The following LRRC25 variants were observed in gnomAD, a reference collection of about 807,000 sequenced individuals.
LRRC25 encodes leucine rich repeat containing 25.
A neutral mutation model predicts 18.8 loss-of-function variants in LRRC25; 5 were observed. The ratio of observed to expected loss-of-function variants is 0.27; its 90% confidence interval spans 0.14 to 0.56. The LOEUF (loss-of-function observed/expected upper bound fraction) is 0.56, where lower values mean the gene tolerates loss of function less well. LRRC25 is among the 20% of genes least tolerant of loss of function. LRRC25 has a pLI of 0.93. For missense variants in LRRC25, 341 were observed against 389.8 expected (o/e 0.87, Z 1.05); for synonymous variants, 161 against 176.8 (o/e 0.91, Z 0.71).
rs150554036 is a variant in LRRC25, at chr19:18,396,930, G to C, written c.34C>G (p.Pro12Ala). The C allele has an allele frequency of 1.2e-6, 2 of 1,610,940 alleles. No individual in the cohort carries two copies. Among genetic ancestry groups the C allele is most frequent in the South Asian group, 2.2e-5 (2 of 91,050 alleles). The change falls in exon 1 of 2, where the codon CCG (proline) becomes GCG (alanine). Residue 12 changes from proline (P) to alanine (A), a missense_variant. By Grantham distance (27) the Pro-to-Ala change is conservative. Transcript: ENST00000339007. ...CTGTCTGACTCCCGCAGCAGCAGCG[G>C]CAACAGCAGCGTCCATGCCAGGGTG... ...GGTLAWTLLL[P>A]LLLRESDSLE...
chr19:18,394,723 C>T (rs1971946087), intron 1 of LRRC25, among the ~76,000 whole-genome samples: 1 of 152,168 alleles, frequency 6.6e-6, no homozygotes, highest in South Asian at 2.1e-4. Flanking sequence ...GGATTATAGG[C>T]ATGAGCCACC....
In LRRC25 at chr19:18,396,287, G is replaced by A. The variant is rs1971967071; in HGVS notation, c.677C>T (p.Ala226Val). 8 of 1,612,766 alleles carry A rather than the reference G, an allele frequency of 5.0e-6. No homozygotes were observed. The highest frequency in any genetic ancestry group is 2.2e-5 in the East Asian group (1 of 44,890). ...TGGCACGGCCACTTGGGGCTTGGGG[G>A]CGCTCCGGCTGCCGTACCGTGGCTG... ...GLQPRYGSRS[A>V]PKPQVAVPSC... Residue 226 changes from alanine to valine, a missense_variant, in exon 1 of 2, where the codon GCC becomes GTC. By Grantham distance (64) the Ala-to-Val change is moderately conservative (BLOSUM62 0). Coordinates refer to ENST00000339007, the MANE Select transcript of LRRC25 (RefSeq NM_145256.3).
chr19:18,396,465 C>G lies in LRRC25; in HGVS notation c.499G>C (p.Gly167Arg), dbSNP rs765170437. The G allele has an allele frequency of 4.3e-6, 7 of 1,613,420 alleles. No individual in the cohort carries two copies. The highest frequency in any genetic ancestry group is 1.3e-5 in the African/African-American group (1 of 74,930). ...CAPGLASATI[G>R]AVVVSGCLLL... ...AGGCACCCGCTGACCACCACTGCCC[C>G]GATAGTTGCAGAGGCCAGGCCAGGG... is the stretch of plus-strand genomic sequence containing the variant. Residue 167 changes from glycine to arginine, a missense_variant, in exon 1 of 2, where the codon GGG becomes CGG. Gly to Arg is a moderately radical substitution (Grantham distance 125). Coordinates refer to ENST00000339007, the MANE Select transcript of LRRC25 (RefSeq NM_145256.3).
At chr19:18,392,689 T>G (rs1365842949) in intron 1 of LRRC25, among the ~76,000 whole-genome samples, 1 of 151,970 alleles carries the variant, frequency 6.6e-6, no homozygotes, top group Non-Finnish European at 1.5e-5. Context: ...CCTTTTTCCT[T>G]CCTTAAAAAT....
intron 1 of LRRC25, among the ~76,000 whole-genome samples, chr19:18,394,308 C>CTTTT (rs34809770): frequency 1.6e-5 from 2 of 125,468 alleles, no homozygotes; most frequent in Non-Finnish European, 1.7e-5. Context: ...TTCTTTCTTT[C>CTTTT]TTTTTTTTTT....
chr19:18,394,018 T>A (rs1481076416), intron 1 of LRRC25, among the ~76,000 whole-genome samples: 1 of 152,114 alleles, frequency 6.6e-6, no homozygotes, highest in Non-Finnish European at 1.5e-5. Context: ...ACATCTGCTT[T>A]GCATATTTTC....
rs1270601954 is a variant in LRRC25 at position 18,391,761 on chromosome 19, TC to T, written c.*225del. The T allele has an allele frequency of 2.0e-6, 1 of 501,874 alleles. No individual in the cohort carries two copies. The highest frequency in any genetic ancestry group is 1.9e-5 in the African/African-American group (1 of 51,700). The allele number at this position is 501,874 out of a possible 1,614,324, so 31.1% of individuals were successfully genotyped here. A position where few individuals can be genotyped will look rare whatever the true frequency, so the allele number is the denominator to read the frequency against. On this transcript the variant is annotated 3_prime_UTR_variant, in exon 2 of 2. Transcript: ENST00000339007. ...CAGGATTGGCACAGTGACCGTCCTG[TC>T]CCCTTGTTGGGGGTCTCTCCTCTTC...
At chr19:18,395,909 C>G (rs1971962038) in intron 1 of LRRC25, among the ~76,000 whole-genome samples, 1 of 152,122 alleles carries the variant, frequency 6.6e-6, no homozygotes, top group Non-Finnish European at 1.5e-5. Context: ...TTAGTACAGA[C>G]TGGGTTTCAC....
intron 1 of LRRC25, among the ~76,000 whole-genome samples, chr19:18,394,278 CTTT>C (rs1568332955): frequency 6.6e-6 from 1 of 151,148 alleles, no homozygotes; most frequent in Non-Finnish European, 1.5e-5. Context: ...CCTAGAAAAG[CTTT>C]TCTTTTCTTT....
At position 18,391,818 on chromosome 19, in the gene LRRC25, G is replaced by A. The variant is rs1417655176; in HGVS notation, c.*169C>T. The A allele has an allele frequency of 4.2e-5, 29 of 696,864 alleles. No homozygotes were observed. The highest frequency in any genetic ancestry group is 1.1e-4 in the South Asian group (6 of 52,854). The allele number at this position is 696,864 out of a possible 1,614,324, so 43.2% of individuals were successfully genotyped here. On this transcript the variant is annotated 3_prime_UTR_variant, in exon 2 of 2. Transcript: ENST00000339007. ...CTAGGAGCTGAGGGAGCTGAGGAGCGGCATGAGGGACAGGGAGGGGGCGGC... is the reference window on the plus strand; with the variant it reads ...CTAGGAGCTGAGGGAGCTGAGGAGCAGCATGAGGGACAGGGAGGGGGCGGC...
chr19:18,394,315 T>C (rs1463039615), intron 1 of LRRC25, among the ~76,000 whole-genome samples: 1 of 150,352 alleles, frequency 6.7e-6, no homozygotes, highest in Non-Finnish European at 1.5e-5. Context: ...TTTCTTTTTT[T>C]TTTTTTTTGA....
chr19:18,396,668 C>T lies in LRRC25; in HGVS notation c.296G>A (p.Arg99His), dbSNP rs769630201. The change falls in exon 1 of 2, where the codon CGT (arginine) becomes CAT (histidine). Residue 99 changes from arginine (R) to histidine (H), a missense_variant. Transcript: ENST00000339007. ...VLNVLRNPLSRVDGALAARCD... is the reference protein window; with the variant it reads ...VLNVLRNPLSHVDGALAARCD... The stretch of plus-strand genomic sequence containing the variant: ...GCGGGCGGCCAGCGCCCCATCCACA[C>T]GAGACAAGGGGTTGCGTAGCACGTT... 1.9e-6 allele frequency: 3 copies of T among 1,613,948 alleles called. No homozygotes were observed. Among genetic ancestry groups the T allele is most frequent in the Non-Finnish European group, 2.5e-6 (3 of 1,180,016 alleles).
intron 1 of LRRC25, among the ~76,000 whole-genome samples, chr19:18,395,142 T>C (rs1332004306): frequency 1.3e-5 from 2 of 151,870 alleles, no homozygotes; most frequent in Non-Finnish European, 2.9e-5. Context: ...GAGGCTGAGG[T>C]GGGCGGATCA....
intron 1 of LRRC25, among the ~76,000 whole-genome samples, chr19:18,395,213 T>A (rs970348396): frequency 9.9e-5 from 15 of 151,516 alleles, no homozygotes; most frequent in Admixed American, 6.6e-5. Flanking sequence ...CTACTAAAAA[T>A]ACAAAAAATT....
At position 18,396,653 on chromosome 19, in the gene LRRC25, AG is replaced by A; in HGVS notation, c.310del (p.Leu104TrpfsTer98). ...CAGGTCAAGGTCACAGCGGGCGGCC[AG>A]CGCCCCATCCACACGAGACAAGGGG... The part of the protein sequence containing the change: ...RNPLSRVDGA[L>X]AARCDLDLQA... On this transcript the variant is annotated frameshift_variant, in exon 1 of 2. Transcript: ENST00000339007. LOFTEE classifies it high-confidence loss of function. 6.2e-7 allele frequency: 1 copy of A among 1,614,042 alleles called. No individual in the cohort carries two copies. Among genetic ancestry groups the A allele is most frequent in the Non-Finnish European group, 8.5e-7 (1 of 1,180,016 alleles).
At position 18,396,552 on chromosome 19, in the gene LRRC25, G is replaced by A; in HGVS notation, c.412C>T (p.Leu138Phe). The change falls in exon 1 of 2, where the codon CTC (leucine) becomes TTC (phenylalanine). Residue 138 changes from leucine (L) to phenylalanine (F), a missense_variant. By Grantham distance (22) the Leu-to-Phe change is conservative. Coordinates refer to ENST00000339007, the MANE Select transcript of LRRC25 (RefSeq NM_145256.3). ...TGGGAGCTGGTTGTGTCCCAGCAGAGCAGAGGCTTCTGGCCAGAGCAGTTG... is the reference window on the plus strand; with the variant it reads ...TGGGAGCTGGTTGTGTCCCAGCAGAACAGAGGCTTCTGGCCAGAGCAGTTG... ...RDNCSGQKPLLCWDTTSSQHN... is the reference protein window; with the variant it reads ...RDNCSGQKPLFCWDTTSSQHN... 3.7e-6 allele frequency: 6 copies of A among 1,613,848 alleles called. No individual in the cohort carries two copies. The highest frequency in any genetic ancestry group is 1.3e-5 in the African/African-American group (1 of 75,046).
At position 18,391,961 on chromosome 19, in the gene LRRC25, T is replaced by A. The variant is rs764479689; in HGVS notation, c.*26A>T. 2.5e-6 allele frequency: 4 copies of A among 1,608,164 alleles called. No individual in the cohort carries two copies. The highest frequency in any genetic ancestry group is 3.4e-6 in the Non-Finnish European group (4 of 1,176,024). On this transcript the variant is annotated 3_prime_UTR_variant, in exon 2 of 2. Coordinates refer to ENST00000339007, the MANE Select transcript of LRRC25 (RefSeq NM_145256.3). The stretch of plus-strand genomic sequence containing the variant: ...CACCCAGCAGGGACTGAAGGGGTTC[T>A]GGGTGGAGGTTAGGACATCTTAGGC...
In LRRC25 at chr19:18,397,019, C is replaced by CAG; in HGVS notation, c.-57_-56insCT. The CAG allele has an allele frequency of 6.6e-7, 1 of 1,520,504 alleles. No individual in the cohort carries two copies. Among genetic ancestry groups the CAG allele is most frequent in the Non-Finnish European group, 8.9e-7 (1 of 1,128,676 alleles). The allele number at this position is 1,520,504 out of a possible 1,614,324, so 94.2% of individuals were successfully genotyped here. ...CTAGCCCTGACCTCAGCCCTGTGGT[C>CAG]GCCCTCGCCTCCACCGCCAGTGTTT... is the stretch of plus-strand genomic sequence containing the variant. On this transcript the variant is annotated 5_prime_UTR_variant, in exon 1 of 2. Coordinates refer to ENST00000339007, the MANE Select transcript of LRRC25 (RefSeq NM_145256.3).
chr19:18,395,505 C>T (rs148092556), intron 1 of LRRC25, among the ~76,000 whole-genome samples: 12 of 152,178 alleles, frequency 7.9e-5, no homozygotes, highest in African/African-American at 2.9e-4. Flanking sequence ...CAGAGACAGC[C>T]TTGGGTCACA....
Sources: allele counts gnomAD v4.1 joint callset (sites outside exome capture counted in the v4.1 genomes callset), GRCh38; gene constraint gnomAD v4.1.1; transcripts MANE v1.5; gene names NCBI Gene and HGNC (gene_info 2026-07-23, HGNC 2026-07-21).